The following VPS13A variants were observed in gnomAD, a reference collection of about 807,000 sequenced individuals.
VPS13A encodes the protein intermembrane lipid transfer protein VPS13A.
Under a neutral mutation model 390.9 loss-of-function variants are expected in VPS13A, and 264 were observed. The ratio of observed to expected loss-of-function variants is 0.68; its 90% CI spans 0.61 to 0.75. The LOEUF (loss-of-function observed/expected upper bound fraction) is 0.75, where lower values mean the gene tolerates loss of function less well. VPS13A is among the 30% of genes least tolerant of loss of function. The pLI is 0.00. For synonymous variants in VPS13A, 1,231 were observed against 1,227.1 expected (o/e 1.00, Z -0.07); for missense variants, 3,409 against 3,733.9 (o/e 0.91, Z 2.27).
intron 54 of VPS13A, among the ~76,000 whole-genome samples, chr9:77,353,915 A>C (rs922361558): frequency 6.6e-6 from 1 of 152,124 alleles, no homozygotes; most frequent in African/African-American, 2.4e-5. Context: ...TATGTTTTGC[A>C]TATCATACAA....
At chr9:77,232,551 A>C (rs1823896638) in intron 17 of VPS13A, among the ~76,000 whole-genome samples, 1 of 152,274 alleles carries the variant, frequency 6.6e-6, no homozygotes, top group African/African-American at 2.4e-5. Flanking sequence ...GCTCCTAATA[A>C]AGAGATACCT....
chr9:77,385,501 T>C (rs1337263516), intron 68 of VPS13A, among the ~76,000 whole-genome samples: 1 of 152,024 alleles, frequency 6.6e-6, no homozygotes, highest in Admixed American at 6.5e-5. Context: ...ATATATATTT[T>C]TTCTGTGTAA....
At chr9:77,360,723 T>C (rs1832096872) in intron 59 of VPS13A, 82 bp downstream of exon 59, 1 of 1,035,674 alleles carries the variant, frequency 9.7e-7, no homozygotes, top group Non-Finnish European at 1.5e-6. Context: ...TTAAAATGAC[T>C]TTGTTGCATT....
At chr9:77,310,385 C>T (rs1179989036) in intron 35 of VPS13A, among the ~76,000 whole-genome samples, 1 of 151,990 alleles carries the variant, frequency 6.6e-6, no homozygotes, top group Non-Finnish European at 1.5e-5. Context: ...AGCATGAATT[C>T]CACATAGTAT....
At chr9:77,393,804 CT>C (rs1210110364) in intron 68 of VPS13A, among the ~76,000 whole-genome samples, 2 of 152,318 alleles carry the variant, frequency 1.3e-5, no homozygotes, top group Non-Finnish European at 2.9e-5. Context: ...GAGTCTCGCT[CT>C]GTCACCCAGG....
At chr9:77,342,863 T>C (rs1331341361) in intron 50 of VPS13A, among the ~76,000 whole-genome samples, 1 of 152,104 alleles carries the variant, frequency 6.6e-6, no homozygotes, top group Non-Finnish European at 1.5e-5. Flanking sequence ...GGACAAGGGT[T>C]AGGTGGATCA....
intron 39 of VPS13A, among the ~76,000 whole-genome samples, chr9:77,317,378 C>T (rs181602300): frequency 2.6e-5 from 4 of 151,826 alleles, no homozygotes; most frequent in Non-Finnish European, 2.9e-5. Flanking sequence ...TTTTTCTGAG[C>T]TACCTTGTGC....
At chr9:77,407,712 G>T in intron 71 of VPS13A, 105 bp downstream of exon 71, 1 of 930,444 alleles carries the variant, frequency 1.1e-6, no homozygotes, top group South Asian at 1.5e-5. Flanking sequence ...GTTTTTGTTT[G>T]TTTGTTTTGC....
intron 41 of VPS13A, 66 bp from the exon 42 acceptor site, chr9:77,319,506 G>C: frequency 9.2e-7 from 1 of 1,086,572 alleles, no homozygotes. Context: ...AGAAATAACA[G>C]GGCTAAAAAA....
Position 77,337,436 on chromosome 9 carries a change from G to A in VPS13A, c.6277G>A (p.Val2093Met), listed in dbSNP as rs755254678. 1 of 1,612,982 alleles carries A rather than the reference G, an allele frequency of 6.2e-7. No individual in the cohort carries two copies. Among genetic ancestry groups the A allele is most frequent in the Non-Finnish European group, 8.5e-7 (1 of 1,179,180 alleles). Reference protein sequence around the residue: ...PEKDNLTSLSVYSEDGWDLPY... With the variant: ...PEKDNLTSLSMYSEDGWDLPY... The stretch of plus-strand genomic sequence containing the variant: ...AAAAGATAATTTAACATCTCTATCA[G>A]TGTATTCAGAAGATGGTTGGGATTT... Residue 2093 changes from valine (V) to methionine (M), a missense_variant, in exon 47 of 72, where the codon GTG becomes ATG. Physicochemically the swap from Val to Met is conservative, Grantham distance 21 (BLOSUM62 1). Transcript: ENST00000360280.
intron 1 of VPS13A, among the ~76,000 whole-genome samples, chr9:77,196,155 A>G (rs1219268836): frequency 6.6e-6 from 1 of 152,100 alleles, no homozygotes; most frequent in Non-Finnish European, 1.5e-5. Context: ...TTACTAGAAA[A>G]GATACCTTGC....
At chr9:77,414,198 T>A (rs1385347354) in intron 71 of VPS13A, among the ~76,000 whole-genome samples, 3 of 152,288 alleles carry the variant, frequency 2.0e-5, no homozygotes, top group Admixed American at 2.0e-4. Context: ...TCAGGGATCT[T>A]GAACTAGAAA....
chr9:77,191,254 A>G (rs2131075771), intron 1 of VPS13A, among the ~76,000 whole-genome samples: 1 of 148,608 alleles, frequency 6.7e-6, no homozygotes, highest in South Asian at 2.2e-4. Context: ...TGTTTTCATT[A>G]GTTTCAAATA....
At chr9:77,367,817 G>C (rs1481732952) in intron 61 of VPS13A, among the ~76,000 whole-genome samples, 2 of 152,182 alleles carry the variant, frequency 1.3e-5, no homozygotes, top group Non-Finnish European at 2.9e-5. Flanking sequence ...GAAAATTTAT[G>C]TGTACTGGTG....
intron 6 of VPS13A, 98 bp from the exon 7 acceptor site, chr9:77,210,518 A>G (rs1368054320): frequency 5.9e-6 from 7 of 1,189,574 alleles, no homozygotes; most frequent in Non-Finnish European, 7.3e-6. Context: ...TGCTGGGATT[A>G]CAGATGGGAG....
chr9:77,271,207 C>T (rs1158176736), intron 23 of VPS13A, among the ~76,000 whole-genome samples: 2 of 151,990 alleles, frequency 1.3e-5, no homozygotes, highest in East Asian at 1.9e-4. Context: ...AAAAGATGTT[C>T]GACTTTATTA....
At chr9:77,355,294 T>C (rs1831712267) in intron 54 of VPS13A, among the ~76,000 whole-genome samples, 1 of 152,210 alleles carries the variant, frequency 6.6e-6, no homozygotes, top group Non-Finnish European at 1.5e-5. Flanking sequence ...TGTAGAATTA[T>C]CGGTCTTTAC....
At position 77,273,308 on chromosome 9, in the gene VPS13A, C is replaced by G. The variant is rs762390488; in HGVS notation, c.2456C>G (p.Ser819Ter). The stretch of plus-strand genomic sequence containing the variant: ...CAAACATCTACTTCTTTGGGAACAT[C>G]ACAGATTTCACAGAAAATAATTCCT... ...QIQTSTSLGT[S>*]QISQKIIPLL... The change falls in exon 24 of 72, where the codon TCA becomes TGA. Residue 819 changes from serine (S) to a stop codon, truncating the protein, a stop_gained. Coordinates refer to ENST00000360280, the MANE Select transcript of VPS13A (RefSeq NM_033305.3). LOFTEE classifies it high-confidence loss of function. The G allele has an allele frequency of 3.1e-6, 5 of 1,612,020 alleles. No homozygotes were observed. The highest frequency in any genetic ancestry group is 4.2e-6 in the Non-Finnish European group (5 of 1,178,994).
chr9:77,370,757 A>C (rs957008422), intron 65 of VPS13A, 133 bp from the exon 66 acceptor site: 4 of 1,408,144 alleles, frequency 2.8e-6, no homozygotes, highest in Admixed American at 4.0e-5. Flanking sequence ...TGTTTAAATA[A>C]AATACTTAGG....
Sources: allele counts gnomAD v4.1 joint callset (sites outside exome capture counted in the v4.1 genomes callset), GRCh38; gene constraint gnomAD v4.1.1; transcripts MANE v1.5; gene names NCBI Gene and HGNC (gene_info 2026-07-23, HGNC 2026-07-21).